Variants in LRFN2 observed in about 807,000 individuals in gnomAD.
The protein encoded by LRFN2 is leucine rich repeat and fibronectin type III domain containing 2, also known as leucine-rich repeat and fibronectin type-III domain-containing protein 2.
In LRFN2, 18 loss-of-function variants were observed where a neutral mutation model predicts 37.3. That is an observed-to-expected ratio of 0.48 (90% CI 0.33 to 0.72). The LOEUF (loss-of-function observed/expected upper bound fraction) is 0.72. LRFN2 is among the 30% of genes least tolerant of loss of function. LRFN2 has a pLI of 0.02. For synonymous variants in LRFN2, 556 were observed against 466.6 expected, an observed-to-expected ratio of 1.19 and a Z score of -2.47; for missense variants, 1,006 against 1,060.7, an observed-to-expected ratio of 0.95 and a Z score of 0.72.
intron 1 of LRFN2, among the ~76,000 whole-genome samples, chr6:40,486,391 C>G (rs1006004264): frequency 6.6e-6 from 1 of 152,168 alleles, no homozygotes; most frequent in Admixed American, 6.5e-5. Context: ...CTGGATGCAT[C>G]TGTAACAAAA....
chr6:40,501,091 G>A (rs1299683249), intron 1 of LRFN2, among the ~76,000 whole-genome samples: 1 of 151,400 alleles, frequency 6.6e-6, no homozygotes, highest in African/African-American at 2.4e-5. Flanking sequence ...AAGATATTAA[G>A]TGAAAAAGCA....
intron 1 of LRFN2, among the ~76,000 whole-genome samples, chr6:40,492,765 C>G (rs1765121940): frequency 1.3e-5 from 2 of 152,236 alleles, no homozygotes; most frequent in South Asian, 4.1e-4. Flanking sequence ...AGGCCAGCCT[C>G]TCAGTCATAA....
At chr6:40,501,803 C>A (rs147374101) in intron 1 of LRFN2, 54 of 152,268 alleles carry the variant, frequency 3.5e-4, no homozygotes, top group African/African-American at 1.1e-3. Flanking sequence ...GTGAGCATGG[C>A]AAAGTGGGGT....
chr6:40,511,898 T>A (rs73734515), intron 1 of LRFN2, among the ~76,000 whole-genome samples: 12,692 of 152,230 alleles, frequency 0.083, 1,153 homozygotes, highest in African/African-American at 0.21. Context: ...TGTAACTCTC[T>A]TCCTTGACCA....
chr6:40,511,190 A>G (rs1422705869), intron 1 of LRFN2, among the ~76,000 whole-genome samples: 1 of 152,124 alleles, frequency 6.6e-6, no homozygotes, highest in East Asian at 1.9e-4. Context: ...AATAACATGT[A>G]TGGGTCACCT....
At chr6:40,457,170 A>G (rs545606445) in intron 1 of LRFN2, among the ~76,000 whole-genome samples, 2 of 152,184 alleles carry the variant, frequency 1.3e-5, no homozygotes, top group African/African-American at 4.8e-5. Flanking sequence ...GTAGAAATGG[A>G]TAACAATGGC....
chr6:40,450,244 C>T (rs1435364596), intron 1 of LRFN2, among the ~76,000 whole-genome samples: 2 of 152,228 alleles, frequency 1.3e-5, no homozygotes, highest in African/African-American at 2.4e-5. Context: ...CATGCTAGAA[C>T]CACCTGCATA....
intron 1 of LRFN2, among the ~76,000 whole-genome samples, chr6:40,526,411 G>A (rs183310450): frequency 7.2e-5 from 11 of 152,214 alleles, no homozygotes; most frequent in Non-Finnish European, 1.3e-4. Context: ...CCTCCTCCCA[G>A]TTCTGATCTG....
intron 1 of LRFN2, among the ~76,000 whole-genome samples, chr6:40,465,753 C>T (rs527495408): frequency 6.6e-6 from 1 of 152,060 alleles, no homozygotes; most frequent in African/African-American, 2.4e-5. Context: ...GGAGAGATAC[C>T]CCACAATACC....
chr6:40,538,483 C>A (rs1045040317), intron 1 of LRFN2, among the ~76,000 whole-genome samples: 1 of 152,254 alleles, frequency 6.6e-6, no homozygotes, highest in Non-Finnish European at 1.5e-5. Context: ...GACTGGCTGG[C>A]TTAAGAAGAG....
At chr6:40,553,174 C>T (rs375519654) in intron 1 of LRFN2, among the ~76,000 whole-genome samples, 1 of 152,172 alleles carries the variant, frequency 6.6e-6, no homozygotes, top group African/African-American at 2.4e-5. Flanking sequence ...TAACCCACAT[C>T]CCTGGGAGAA....
intron 1 of LRFN2, among the ~76,000 whole-genome samples, chr6:40,549,435 A>G (rs1766728084): frequency 6.6e-6 from 1 of 152,180 alleles, no homozygotes. Flanking sequence ...AAATTTTAGG[A>G]TATTGGAATA....
intron 2 of LRFN2, among the ~76,000 whole-genome samples, chr6:40,424,752 G>A (rs987489472): frequency 6.6e-6 from 1 of 152,030 alleles, no homozygotes; most frequent in African/African-American, 2.4e-5. Context: ...ACCCTCTTGG[G>A]AAACAGCCGA....
intron 1 of LRFN2, among the ~76,000 whole-genome samples, chr6:40,537,846 A>C (rs1766479600): frequency 6.6e-6 from 1 of 152,044 alleles, no homozygotes; most frequent in Non-Finnish European, 1.5e-5. Flanking sequence ...GGGGCTAAGC[A>C]CAGGACCCCT....
At chr6:40,512,957 C>A (rs1765755672) in intron 1 of LRFN2, among the ~76,000 whole-genome samples, 1 of 152,192 alleles carries the variant, frequency 6.6e-6, no homozygotes, top group African/African-American at 2.4e-5. Context: ...TATCTTCCAG[C>A]TCAGCCAAGG....
At chr6:40,408,845 A>C (rs1439696521) in intron 2 of LRFN2, among the ~76,000 whole-genome samples, 3 of 152,252 alleles carry the variant, frequency 2.0e-5, no homozygotes, top group South Asian at 2.1e-4. Context: ...GTATTGCTTA[A>C]CAGAATACCA....
chr6:40,561,060 C>T (rs1414339645), intron 1 of LRFN2, among the ~76,000 whole-genome samples: 1 of 152,140 alleles, frequency 6.6e-6, no homozygotes, highest in African/African-American at 2.4e-5. Context: ...GTATTATAAG[C>T]AGGGTGTGTT....
intron 1 of LRFN2, among the ~76,000 whole-genome samples, chr6:40,563,317 T>G (rs1242031612): frequency 1.3e-5 from 2 of 152,182 alleles, no homozygotes; most frequent in Admixed American, 6.5e-5. Context: ...CAGGGACAGC[T>G]GCCGGGCCAA....
At chr6:40,409,761 G>A (rs570145271) in intron 2 of LRFN2, among the ~76,000 whole-genome samples, 71 of 152,278 alleles carry the variant, frequency 4.7e-4, no homozygotes, top group Non-Finnish European at 8.1e-4. Flanking sequence ...GCCAGCACTC[G>A]TGCATGAATG....
Sources: allele counts gnomAD v4.1 joint callset (sites outside exome capture counted in the v4.1 genomes callset), GRCh38; gene constraint gnomAD v4.1.1; transcripts MANE v1.5; gene names NCBI Gene and HGNC (gene_info 2026-07-23, HGNC 2026-07-21).